The following ZNF679 variants were observed in gnomAD, a reference collection of about 807,000 sequenced individuals.
ZNF679 encodes hypothetical protein MGC42415.
ZNF679 carries 10 observed loss-of-function variants against 13.4 expected under a neutral mutation model. The observed-to-expected ratio is 0.75, with a 90% CI of 0.46 to 1.27. The LOEUF (loss-of-function observed/expected upper bound fraction) is 1.27. ZNF679 is among the 50% of genes most tolerant of loss of function. The pLI, the probability that ZNF679 is intolerant of heterozygous loss-of-function variation, is 0.00. For missense variants in ZNF679, 525 were observed against 477.8 expected (o/e 1.10, Z -0.92); for synonymous variants, 179 against 162.5 (o/e 1.10, Z -0.77).
chr7:64,260,315 T>C lies in ZNF679; in HGVS notation c.134T>C (p.Met45Thr), dbSNP rs778434181. Reference sequence around the variant, plus strand: ...CAGCAGAATTTATATAGAGATGTGATGTTAGAGAACTACAGAAACCTGGTC... The same window carrying C: ...CAGCAGAATTTATATAGAGATGTGACGTTAGAGAACTACAGAAACCTGGTC... ...HAQQNLYRDV[M>T]LENYRNLVSL... Residue 45 changes from methionine to threonine, a missense_variant, in exon 3 of 5, where the codon ATG (methionine) becomes ACG (threonine). Coordinates refer to ENST00000421025, the MANE Select transcript of ZNF679 (RefSeq NM_153363.3). 1.2e-6 allele frequency: 2 copies of C among 1,612,240 alleles called. No individual in the cohort carries two copies.
chr7:64,229,788 G>A (rs1015650851), intron 1 of ZNF679, among the ~76,000 whole-genome samples: 10 of 152,122 alleles, frequency 6.6e-5, no homozygotes, highest in Admixed American at 5.9e-4. Flanking sequence ...CTGGGCCTGG[G>A]TATATGTAAC....
Position 64,265,103 on chromosome 7 carries a change from A to T in ZNF679, c.263-793A>T, listed in dbSNP as rs530130716. Among the ~76,000 whole-genome samples, 5 of 151,884 alleles carry T rather than the reference A, an allele frequency of 3.3e-5. No homozygotes were observed. In the South Asian group the frequency reaches 6.2e-4, roughly 19 times the overall value. Reference sequence around the variant, plus strand: ...TGTAGTTGCTTTTTCAAAATTTTTGATTTTTTTGATTAGACCATGTTGTCT... The same window carrying T: ...TGTAGTTGCTTTTTCAAAATTTTTGTTTTTTTTGATTAGACCATGTTGTCT... On this transcript the variant is annotated intron_variant, in intron 4 of 4. Coordinates refer to ENST00000421025, the MANE Select transcript of ZNF679 (RefSeq NM_153363.3).
chr7:64,255,605 T>G (rs56210558), intron 2 of ZNF679, among the ~76,000 whole-genome samples: 2 of 130,606 alleles, frequency 1.5e-5, no homozygotes, highest in Non-Finnish European at 3.3e-5. Context: ...TTCCCACCCA[T>G]GATTTTTTTT....
intron 4 of ZNF679, among the ~76,000 whole-genome samples, chr7:64,264,817 T>C (rs556589264): frequency 6.6e-6 from 1 of 152,222 alleles, no homozygotes; most frequent in African/African-American, 2.4e-5. Context: ...TGAAACTTTG[T>C]TTAAATATGT....
At chr7:64,251,461 A>C (rs550782188) in intron 2 of ZNF679, among the ~76,000 whole-genome samples, 1 of 152,204 alleles carries the variant, frequency 6.6e-6, no homozygotes, top group African/African-American at 2.4e-5. Flanking sequence ...CTCAAAAAAA[A>C]AGAAAAGAAG....
intron 1 of ZNF679, among the ~76,000 whole-genome samples, chr7:64,239,373 GAGT>G (rs2116515471): frequency 1.3e-5 from 2 of 152,278 alleles, no homozygotes; most frequent in South Asian, 4.1e-4. Flanking sequence ...TAAGTCTCAG[GAGT>G]TGTTGACTCT....
chr7:64,261,860 C>A, intron 4 of ZNF679, among the ~76,000 whole-genome samples: 1 of 137,380 alleles, frequency 7.3e-6, no homozygotes, highest in South Asian at 2.3e-4. Context: ...TTCTTTCTTT[C>A]TTTTTTTTTT....
At chr7:64,234,243 A>C (rs1787678716) in intron 1 of ZNF679, among the ~76,000 whole-genome samples, 1 of 152,208 alleles carries the variant, frequency 6.6e-6, no homozygotes, top group African/African-American at 2.4e-5. Context: ...AGAAGATCAA[A>C]GAAATACTGG....
chr7:64,249,814 T>A lies in ZNF679; in HGVS notation c.39+658T>A, dbSNP rs571390651. Among the ~76,000 whole-genome samples, 14 of 152,272 alleles carry A rather than the reference T, an allele frequency of 9.2e-5. 1 individual carries two copies. Among genetic ancestry groups the A allele is most frequent in the African/African-American group, 3.4e-4 (14 of 41,558 alleles). ...AGTCTGTGGTTGACTAGGCCTGAATTTTTTTCTTCAATATAGTAATTTCCA... is the reference window on the plus strand; with the variant it reads ...AGTCTGTGGTTGACTAGGCCTGAATATTTTTCTTCAATATAGTAATTTCCA... On this transcript the variant is annotated intron_variant, in intron 2 of 4. Coordinates refer to ENST00000421025, the MANE Select transcript of ZNF679 (RefSeq NM_153363.3).
At position 64,260,458 on chromosome 7, in the gene ZNF679, A is replaced by G. The variant is rs577266794; in HGVS notation, c.166+111A>G. 31 of 1,484,176 alleles carry G rather than the reference A, an allele frequency of 2.1e-5. No homozygotes were observed. The South Asian group carries it at 4.3e-4, about 20-fold the overall frequency. 91.9% of individuals were successfully genotyped at this position (1,484,176 alleles called of 1,614,324 possible). A position where few individuals can be genotyped will look rare whatever the true frequency, so the allele number is the denominator to read the frequency against. The stretch of plus-strand genomic sequence containing the variant: ...AGTGAATTTTAGCTCTCTGATTTGA[A>G]GAAAATCTTGGGGATTCATTGGTGT... On this transcript the variant is annotated intron_variant, in intron 3 of 4. Coordinates refer to ENST00000421025, the MANE Select transcript of ZNF679 (RefSeq NM_153363.3).
chr7:64,233,634 T>C (rs1787671332), intron 1 of ZNF679, among the ~76,000 whole-genome samples: 1 of 152,214 alleles, frequency 6.6e-6, no homozygotes, highest in Non-Finnish European at 1.5e-5. Flanking sequence ...GTTCCTGTGA[T>C]ACTAGGTACT....
At chr7:64,235,701 A>G (rs1787700066) in intron 1 of ZNF679, among the ~76,000 whole-genome samples, 1 of 152,084 alleles carries the variant, frequency 6.6e-6, no homozygotes. Flanking sequence ...AGGCAGAAGC[A>G]TCGCTGGAAC....
At chr7:64,264,845 G>A (rs1336309369) in intron 4 of ZNF679, among the ~76,000 whole-genome samples, 6 of 151,662 alleles carry the variant, frequency 4.0e-5, no homozygotes, top group Admixed American at 3.9e-4. Context: ...ATCTTTTTGT[G>A]TATATCCTAG....
In ZNF679 at chr7:64,260,331, A is replaced by T. The variant is rs1409293560; in HGVS notation, c.150A>T (p.Arg50Ser). 3 of 1,609,666 alleles carry T rather than the reference A, an allele frequency of 1.9e-6. No homozygotes were observed. Among genetic ancestry groups the T allele is most frequent in the African/African-American group, 2.7e-5 (2 of 74,666 alleles). Reference sequence around the variant, plus strand: ...GAGATGTGATGTTAGAGAACTACAGAAACCTGGTCTCCCTGGGTGAGGATA... The same window carrying T: ...GAGATGTGATGTTAGAGAACTACAGTAACCTGGTCTCCCTGGGTGAGGATA... ...LYRDVMLENY[R>S]NLVSLGIAVS... Residue 50 changes from arginine (R) to serine (S), a missense_variant, in exon 3 of 5, where the codon AGA becomes AGT. Coordinates refer to ENST00000421025, the MANE Select transcript of ZNF679 (RefSeq NM_153363.3).
At chr7:64,233,323 G>A (rs1019333232) in intron 1 of ZNF679, among the ~76,000 whole-genome samples, 11 of 151,516 alleles carry the variant, frequency 7.3e-5, no homozygotes, top group East Asian at 3.9e-4. Flanking sequence ...AGACCTCGTC[G>A]TTAAGAAAAA....
At chr7:64,240,777 G>A (rs905158967) in intron 1 of ZNF679, among the ~76,000 whole-genome samples, 1 of 152,098 alleles carries the variant, frequency 6.6e-6, no homozygotes, top group Non-Finnish European at 1.5e-5. Context: ...TTCACAATCC[G>A]GGACATTTTC....
At chr7:64,232,037 T>A (rs1275363619) in intron 1 of ZNF679, among the ~76,000 whole-genome samples, 1 of 152,212 alleles carries the variant, frequency 6.6e-6, no homozygotes, top group East Asian at 1.9e-4. Flanking sequence ...AGTGTCTTAG[T>A]AGGGCAGAGA....
intron 2 of ZNF679, among the ~76,000 whole-genome samples, chr7:64,249,361 C>G (rs572097140): frequency 8.5e-5 from 13 of 152,258 alleles, no homozygotes; most frequent in African/African-American, 3.1e-4. Flanking sequence ...ATTCTTTTTC[C>G]TTTGCAGTGG....
At chr7:64,238,045 T>C (rs1315006794) in intron 1 of ZNF679, among the ~76,000 whole-genome samples, 1 of 152,152 alleles carries the variant, frequency 6.6e-6, no homozygotes, top group Non-Finnish European at 1.5e-5. Context: ...ATGGTCAGGA[T>C]CATTACCATT....
Sources: gnomAD v4.1 joint callset for allele counts (sites outside exome capture counted in the v4.1 genomes callset) on GRCh38, gnomAD v4.1.1 for gene constraint, MANE v1.5 for transcripts, NCBI Gene and HGNC (gene_info 2026-07-23, HGNC 2026-07-21) for gene names.